The following LCP2 variants were observed in gnomAD, a reference collection of about 807,000 sequenced individuals.
LCP2 encodes 76 kDa tyrosine phosphoprotein.
A neutral mutation model predicts 74.5 loss-of-function variants in LCP2; 29 were observed. The observed-to-expected ratio is 0.39, with a 90% CI of 0.29 to 0.53. The LOEUF is 0.53. Ranked by LOEUF, LCP2 falls within the 20% of genes least tolerant of loss-of-function variation. The pLI is 0.72. For missense variants in LCP2, 604 were observed against 634.6 expected (o/e 0.95, Z 0.52); for synonymous variants, 228 against 229.5 (o/e 0.99, Z 0.06).
Position 170,256,837 on chromosome 5 carries a change from TAAC to T in LCP2, c.1101-265_1101-263del, listed in dbSNP as rs1011693668. Among the ~76,000 whole-genome samples the T allele has an allele frequency of 1.3e-5, 2 of 152,188 alleles. No individual in the cohort carries two copies. The highest frequency in any genetic ancestry group is 4.8e-5 in the African/African-American group (2 of 41,444). Reference sequence around the variant, plus strand: ...AACATTCAACTGTGTAAAGGGCACTTAACAGTTACTTTAAAAATTGGCTGCAAC... The same window carrying T: ...AACATTCAACTGTGTAAAGGGCACTTAGTTACTTTAAAAATTGGCTGCAAC... On this transcript the variant is annotated intron_variant, in intron 16 of 20. Transcript: ENST00000046794. This position sits in a 1 kb window ranked among gnomAD's most constrained non-coding sequence, Gnocchi z 4.5.
At chr5:170,249,109 G>A (rs1387918942) in intron 20 of LCP2, among the ~76,000 whole-genome samples, 12 of 152,072 alleles carry the variant, frequency 7.9e-5, no homozygotes. Context: ...ATCACCTGAG[G>A]TCAGGAGTTT....
intron 10 of LCP2, among the ~76,000 whole-genome samples, chr5:170,265,967 C>T (rs1212569038): frequency 2.0e-5 from 3 of 152,078 alleles, no homozygotes; most frequent in East Asian, 1.9e-4. Context: ...GACAAGTGTT[C>T]GAATTTAGGC....
chr5:170,275,679 G>C, intron 4 of LCP2, 116 bp downstream of exon 4: 4 of 874,216 alleles, frequency 4.6e-6, no homozygotes, highest in Non-Finnish European at 7.3e-6. Flanking sequence ...CAGACCCCTG[G>C]GATTCAGGGG....
chr5:170,287,751 A>G, intron 3 of LCP2: 1 of 583,378 alleles, frequency 1.7e-6, no homozygotes, highest in South Asian at 2.0e-5. Context: ...TGTTTTTGGC[A>G]AGAGCATCCA....
chr5:170,275,462 T>C, intron 4 of LCP2, 111 bp from the exon 5 acceptor site: 1 of 1,229,674 alleles, frequency 8.1e-7, no homozygotes, highest in Non-Finnish European at 1.2e-6. Context: ...CATGTCTCAC[T>C]GCTCAAGAGA....
intron 19 of LCP2, 82 bp from the exon 20 acceptor site, chr5:170,250,967 A>G (rs1761424652): frequency 9.0e-7 from 1 of 1,115,316 alleles, no homozygotes; most frequent in Non-Finnish European, 1.3e-6. Flanking sequence ...ACAAGCCTCT[A>G]GGGATCTGAC....
intron 3 of LCP2, among the ~76,000 whole-genome samples, chr5:170,278,953 G>A (rs950159935): frequency 2.0e-5 from 3 of 152,140 alleles, no homozygotes; most frequent in African/African-American, 4.8e-5. Context: ...TCTGGTGGAC[G>A]GTGCAACAGT....
At chr5:170,257,947 TC>T in intron 16 of LCP2, 89 bp downstream of exon 16, 1 of 1,425,512 alleles carries the variant, frequency 7.0e-7, no homozygotes, top group South Asian at 1.2e-5. Context: ...ACCCGTCATT[TC>T]CTTCTTTCTC....
intron 6 of LCP2, chr5:170,273,884 T>G: frequency 6.1e-6 from 1 of 164,694 alleles, no homozygotes. Flanking sequence ...AAAAGCTACT[T>G]GAGAGTAGAT....
At chr5:170,263,872 T>C (rs1304918766) in intron 10 of LCP2, among the ~76,000 whole-genome samples, 1 of 152,188 alleles carries the variant, frequency 6.6e-6, no homozygotes, top group East Asian at 1.9e-4. Context: ...AAGAATTGGG[T>C]GACAATTTGC....
Position 170,290,750 on chromosome 5 carries a change from T to C in LCP2, c.141+2560A>G, listed in dbSNP as rs146007004. Among the ~76,000 whole-genome samples the C allele has an allele frequency of 8.1e-4, 123 of 152,292 alleles. 1 individual carries two copies. The highest frequency in any genetic ancestry group is 2.7e-3 in the African/African-American group (111 of 41,550). ...TTACTTGAAACAGACTGACCTTTAT[T>C]TGGTTAGGCCACTGTGGTCAGGTTT... On this transcript the variant is annotated intron_variant, in intron 2 of 20. Coordinates refer to ENST00000046794, the MANE Select transcript of LCP2 (RefSeq NM_005565.5).
intron 3 of LCP2, among the ~76,000 whole-genome samples, chr5:170,282,523 T>C (rs1299050434): frequency 1.3e-5 from 2 of 152,196 alleles, no homozygotes; most frequent in African/African-American, 4.8e-5. Context: ...AAGTCAGCTT[T>C]AGAGCCTGGA....
At chr5:170,260,921 G>C (rs1312491353) in intron 14 of LCP2, among the ~76,000 whole-genome samples, 186 bp downstream of exon 14, 1 of 152,182 alleles carries the variant, frequency 6.6e-6, no homozygotes, top group Non-Finnish European at 1.5e-5. Flanking sequence ...AACACAGCAT[G>C]ATGGGCTCCA....
chr5:170,262,822 T>C lies in LCP2; in HGVS notation c.818+20A>G, dbSNP rs769495804. 1.1e-5 allele frequency: 18 copies of C among 1,614,006 alleles called. No individual in the cohort carries two copies. The highest frequency in any genetic ancestry group is 4.5e-5 in the East Asian group (2 of 44,886). On this transcript the variant is annotated intron_variant, in intron 12 of 20. Coordinates refer to ENST00000046794, the MANE Select transcript of LCP2 (RefSeq NM_005565.5). ...CTACAGAACGTCCCATGTACCCTCA[T>C]GTAGATGCAACAGTCTTACCTTCCC...
chr5:170,289,260 T>C (rs1581075742), intron 2 of LCP2, among the ~76,000 whole-genome samples: 1 of 152,158 alleles, frequency 6.6e-6, no homozygotes, highest in South Asian at 2.1e-4. Context: ...AGGAGTAAGA[T>C]GAGGAATTAC....
intron 8 of LCP2, chr5:170,267,320 A>G: frequency 1.7e-6 from 1 of 578,074 alleles, no homozygotes; most frequent in South Asian, 2.1e-5. Context: ...TAAGCCTCCT[A>G]TCACATTAGA....
At chr5:170,260,943 A>C in intron 14 of LCP2, 164 bp downstream of exon 14, 1 of 617,808 alleles carries the variant, frequency 1.6e-6, no homozygotes, top group South Asian at 1.9e-5. Flanking sequence ...ACAATGACCA[A>C]GGCCCAAAGA....
In LCP2 at chr5:170,270,896, G is replaced by C. The variant is rs1198814963; in HGVS notation, c.346C>G (p.Pro116Ala). 6.2e-7 allele frequency: 1 copy of C among 1,612,358 alleles called. No homozygotes were observed. Among genetic ancestry groups the C allele is most frequent in the Admixed American group, 1.7e-5 (1 of 59,838 alleles). The change falls in exon 7 of 21, where the codon CCC becomes GCC. Residue 116 changes from proline (P) to alanine (A), a missense_variant. Physicochemically the swap from Pro to Ala is conservative, Grantham distance 27. Transcript: ENST00000046794. ...TCCTCCCCATCCTGGTCATCATTGGGACTTTCATAATCGTCTTCTTCCTGC... is the reference window on the plus strand; with the variant it reads ...TCCTCCCCATCCTGGTCATCATTGGCACTTTCATAATCGTCTTCTTCCTGC... ...SSFEEDDYES[P>A]NDDQDGEDDG...
intron 2 of LCP2, among the ~76,000 whole-genome samples, chr5:170,290,980 GAAAGAAAGAAAGAAAGAA>G (rs1762282455): frequency 1.1e-5 from 1 of 90,010 alleles, no homozygotes; most frequent in Non-Finnish European, 2.4e-5. Flanking sequence ...AAGAAAGAAA[GAAAGAAAGAAAGAAAGAA>G]AGAGAGAAAG....
Sources: allele counts gnomAD v4.1 joint callset (sites outside exome capture counted in the v4.1 genomes callset), GRCh38; gene constraint gnomAD v4.1.1; non-coding constraint Gnocchi (gnomAD v3.1); transcripts MANE v1.5; gene names NCBI Gene and HGNC (gene_info 2026-07-23, HGNC 2026-07-21).